Variants in EYA2 observed in about 807,000 individuals in gnomAD.
EYA2 encodes the protein protein phosphatase EYA2.
Under a neutral mutation model 69.2 loss-of-function variants are expected in EYA2, and 31 were observed. The ratio of observed to expected loss-of-function variants is 0.45; its 90% CI spans 0.34 to 0.60. The LOEUF (loss-of-function observed/expected upper bound fraction) is 0.60. EYA2 is among the 20% of genes least tolerant of loss of function. The pLI is 0.02. For missense variants in EYA2, 622 were observed against 701.2 expected (o/e 0.89, Z 1.28); for synonymous variants, 257 against 279.4 (o/e 0.92, Z 0.80).
chr20:46,960,123 A>G (rs534347371), intron 1 of EYA2, among the ~76,000 whole-genome samples: 2 of 152,194 alleles, frequency 1.3e-5, no homozygotes, highest in Non-Finnish European at 2.9e-5. Flanking sequence ...TTTTCTATCC[A>G]TTATTCGAAG....
intron 5 of EYA2, among the ~76,000 whole-genome samples, chr20:47,034,796 G>A (rs926084071): frequency 2.0e-5 from 3 of 152,164 alleles, no homozygotes; most frequent in African/African-American, 7.2e-5. Context: ...GGCAAGGTTG[G>A]TACCTTCTGG....
chr20:47,054,477 C>T (rs1220487161), intron 5 of EYA2, among the ~76,000 whole-genome samples: 1 of 152,170 alleles, frequency 6.6e-6, no homozygotes, highest in Non-Finnish European at 1.5e-5. Context: ...GAATGTCTAC[C>T]CTGCACCAGG....
rs763421253 is a variant in EYA2 at position 47,097,184 on chromosome 20, G to GTC, written c.888+28_888+29dup. The GTC allele has an allele frequency of 1.0e-5, 16 of 1,576,060 alleles. No homozygotes were observed. The highest frequency in any genetic ancestry group is 1.7e-4 in the Middle Eastern group (1 of 6,028). On this transcript the variant is annotated intron_variant, in intron 9 of 15. Coordinates refer to ENST00000327619, the MANE Select transcript of EYA2 (RefSeq NM_005244.5). ...ATACGGGAAGGTAAGAATCCATTTT[G>GTC]TCTCTCTCTCTCTTTTTTTGTTTTC...
chr20:46,932,847 C>T (rs920740664), intron 1 of EYA2, among the ~76,000 whole-genome samples: 2 of 152,130 alleles, frequency 1.3e-5, no homozygotes, highest in Non-Finnish European at 2.9e-5. Context: ...GATCGAGCCA[C>T]TGCACTCCAG....
chr20:47,163,036 C>CT (rs11435504), intron 10 of EYA2, among the ~76,000 whole-genome samples: 62,001 of 146,394 alleles, frequency 0.42, 13,179 homozygotes, highest in African/African-American at 0.52. Flanking sequence ...GTGTATCACT[C>CT]TTTTTTTTTT....
chr20:46,962,432 T>A (rs1015859610), intron 1 of EYA2, among the ~76,000 whole-genome samples: 1 of 152,228 alleles, frequency 6.6e-6, no homozygotes, highest in Non-Finnish European at 1.5e-5. Flanking sequence ...AATATCACAC[T>A]GTACCCTATA....
rs148914456 is a variant in EYA2, at chr20:47,068,195, A to G, written c.416-3990A>G. The stretch of plus-strand genomic sequence containing the variant: ...ATCGATGTGAGGATTAAGTGCAGTT[A>G]TATACAAAGTGCCTAATACAGTGCT... On this transcript the variant is annotated intron_variant, in intron 5 of 15. Coordinates refer to ENST00000327619, the MANE Select transcript of EYA2 (RefSeq NM_005244.5). Among the ~76,000 whole-genome samples, 461 of 152,350 alleles carry G rather than the reference A, an allele frequency of 3.0e-3. 4 individuals carry two copies. Among genetic ancestry groups the G allele is most frequent in the Non-Finnish European group, 3.5e-3 (236 of 68,036 alleles).
chr20:47,018,496 AC>A (rs1440487670), intron 5 of EYA2, among the ~76,000 whole-genome samples: 1 of 152,234 alleles, frequency 6.6e-6, no homozygotes, highest in East Asian at 1.9e-4. Flanking sequence ...GGCATGCTGG[AC>A]CGTGAGCAGT....
At chr20:47,174,389 C>T (rs893743717) in intron 12 of EYA2, among the ~76,000 whole-genome samples, 9 of 152,172 alleles carry the variant, frequency 5.9e-5, no homozygotes, top group African/African-American at 2.2e-4. Flanking sequence ...CTTCTGCTTC[C>T]CTGGATTATT....
chr20:46,981,112 T>C (rs955050366), intron 1 of EYA2, among the ~76,000 whole-genome samples: 2 of 152,208 alleles, frequency 1.3e-5, no homozygotes, highest in African/African-American at 4.8e-5. Flanking sequence ...TGTCTAGACT[T>C]TGCTCAGACT....
intron 1 of EYA2, among the ~76,000 whole-genome samples, chr20:46,985,480 A>G (rs1233628568): frequency 6.6e-6 from 1 of 152,212 alleles, no homozygotes; most frequent in East Asian, 1.9e-4. Context: ...GCTCTTAAGG[A>G]TGACAGCAAC....
intron 4 of EYA2, 91 bp from the exon 5 acceptor site, chr20:47,016,090 C>T (rs2146369871): frequency 2.2e-6 from 2 of 917,866 alleles, no homozygotes; most frequent in African/African-American, 3.2e-5. Flanking sequence ...AAATTGCATG[C>T]TGTCTTGACC....
intron 12 of EYA2, among the ~76,000 whole-genome samples, chr20:47,178,820 G>GATA (rs532459450): frequency 5.0e-5 from 2 of 40,382 alleles, no homozygotes; most frequent in African/African-American, 1.8e-4. Context: ...TGGATGGGTG[G>GATA]GTGGGTGGAT....
At chr20:47,021,254 A>G (rs960553566) in intron 5 of EYA2, among the ~76,000 whole-genome samples, 10 of 152,314 alleles carry the variant, frequency 6.6e-5, no homozygotes, top group African/African-American at 2.4e-4. Context: ...GTAAGAGAAA[A>G]GAGGAATACT....
At chr20:46,975,218 G>A (rs1980390657) in intron 1 of EYA2, among the ~76,000 whole-genome samples, 2 of 152,120 alleles carry the variant, frequency 1.3e-5, no homozygotes, top group South Asian at 4.1e-4. Context: ...ATGACACAGA[G>A]CTACACACAC....
intron 10 of EYA2, among the ~76,000 whole-genome samples, chr20:47,148,025 C>G (rs1970966): frequency 0.15 from 21,968 of 144,412 alleles, 1,824 homozygotes; most frequent in African/African-American, 0.19. Context: ...CCCCACTGTA[C>G]TCCAGCCTGG....
chr20:47,005,084 A>G lies in EYA2; in HGVS notation c.298A>G (p.Ser100Gly), dbSNP rs764049909. The G allele has an allele frequency of 3.1e-6, 5 of 1,613,480 alleles. No individual in the cohort carries two copies. Among genetic ancestry groups the G allele is most frequent in the South Asian group, 2.2e-5 (2 of 91,048 alleles). ...PAQAYGIPSY[S>G]IKTEDSLNHS... is the part of the protein sequence containing the mutation. ...ACAAGCCTATGGAATCCCTTCCTACAGTGAGTAGTAAACAAGTCCTTACTC... is the reference window on the plus strand; with the variant it reads ...ACAAGCCTATGGAATCCCTTCCTACGGTGAGTAGTAAACAAGTCCTTACTC... The change falls in exon 4 of 16, where the codon AGC (serine) becomes GGC (glycine). Residue 100 changes from serine to glycine, a missense_variant and splice_region_variant. Around this residue, in one of 2 missense-constraint regions of EYA2, gnomAD observed 365 missense variants for 349.7 expected, o/e 1.04. Coordinates refer to ENST00000327619, the MANE Select transcript of EYA2 (RefSeq NM_005244.5).
rs1025620649 is a variant in EYA2, at chr20:47,186,680, C to G, written c.1537-1373C>G. Among the ~76,000 whole-genome samples, 6 of 152,102 alleles carry G rather than the reference C, an allele frequency of 3.9e-5. No homozygotes were observed. In the East Asian group the frequency reaches 7.7e-4, roughly 20 times the overall value. ...GGCCTCCTCATTCGTTCTTCAAGGTCTGGGTCTCATGCGCTTCTTGTCCCC... is the reference window on the plus strand; with the variant it reads ...GGCCTCCTCATTCGTTCTTCAAGGTGTGGGTCTCATGCGCTTCTTGTCCCC... On this transcript the variant is annotated intron_variant, in intron 15 of 15. Transcript: ENST00000327619.
intron 1 of EYA2, among the ~76,000 whole-genome samples, chr20:46,905,431 G>A (rs1984304953): frequency 6.6e-6 from 1 of 152,188 alleles, no homozygotes; most frequent in African/African-American, 2.4e-5. Flanking sequence ...CATTTCAATA[G>A]CATCCTTCAT....
Sources: gnomAD v4.1 joint callset for allele counts (sites outside exome capture counted in the v4.1 genomes callset) on GRCh38, gnomAD v4.1.1 for gene constraint, gnomAD v4.1.1 regional missense constraint, MANE v1.5 for transcripts, NCBI Gene and HGNC (gene_info 2026-07-23, HGNC 2026-07-21) for gene names.